Variants in PAFAH1B1 observed in about 807,000 individuals in gnomAD.
PAFAH1B1 encodes the protein platelet-activating factor acetylhydrolase IB subunit beta.
In PAFAH1B1, 2 loss-of-function variants were observed where a neutral mutation model predicts 57.5. The ratio of observed to expected loss-of-function variants is 0.03; its 90% CI spans 0.01 to 0.11. The LOEUF (loss-of-function observed/expected upper bound fraction) is 0.11, where lower values mean the gene tolerates loss of function less well. PAFAH1B1 is among the 10% of genes least tolerant of loss of function. The pLI is 1.00. For synonymous variants in PAFAH1B1, 152 were observed against 169.6 expected (o/e 0.90, Z 0.81); for missense variants, 257 against 512.0 (o/e 0.50, Z 4.81).
At chr17:2,614,247 C>G (rs1284803828) in intron 1 of PAFAH1B1, among the ~76,000 whole-genome samples, 2 of 152,018 alleles carry the variant, frequency 1.3e-5, no homozygotes, top group Non-Finnish European at 2.9e-5. Flanking sequence ...AGGCTGATCT[C>G]AAACTCCTGA....
intron 1 of PAFAH1B1, among the ~76,000 whole-genome samples, chr17:2,635,159 C>CA (rs781397486): frequency 0.01 from 1,001 of 96,914 alleles, 2 homozygotes; most frequent in African/African-American, 0.021. Flanking sequence ...AACTCTGTCT[C>CA]AAAAAAAAAA....
chr17:2,627,038 G>A (rs2068503097), intron 1 of PAFAH1B1, among the ~76,000 whole-genome samples: 1 of 151,946 alleles, frequency 6.6e-6, no homozygotes, highest in Admixed American at 6.6e-5. Context: ...CCCACCCTGT[G>A]GGTTGTCTGT....
chr17:2,640,574 C>G (rs1318504709), intron 2 of PAFAH1B1: 2 of 150,996 alleles, frequency 1.3e-5, no homozygotes, highest in African/African-American at 4.9e-5. Flanking sequence ...GCCTCAGCCT[C>G]TCGAGTAGCT....
Position 2,669,610 on chromosome 17 carries a change from C to A in PAFAH1B1, c.400-553C>A, listed in dbSNP as rs561079394. On this transcript the variant is annotated intron_variant, in intron 5 of 10. Coordinates refer to ENST00000397195, the MANE Select transcript of PAFAH1B1 (RefSeq NM_000430.4). ...CATATGCTCTTGTTCATTTGCTATT[C>A]GTGAACAGTTAACATCTTCTGAAAT... Among the ~76,000 whole-genome samples the A allele has an allele frequency of 2.0e-5, 3 of 152,264 alleles. No homozygotes were observed. In the East Asian group the frequency reaches 5.8e-4, roughly 29 times the overall value.
At chr17:2,645,851 G>A (rs1353706933) in intron 2 of PAFAH1B1, among the ~76,000 whole-genome samples, 1 of 151,418 alleles carries the variant, frequency 6.6e-6, no homozygotes, top group African/African-American at 2.4e-5. Flanking sequence ...TGATCCACCC[G>A]CCTGGACCTC....
chr17:2,676,763 G>A (rs2069274671), intron 9 of PAFAH1B1, among the ~76,000 whole-genome samples, 157 bp downstream of exon 9: 3 of 152,150 alleles, frequency 2.0e-5, no homozygotes, highest in Admixed American at 2.0e-4. Flanking sequence ...TGTTGTTATA[G>A]TGATGTGAAA....
At chr17:2,613,930 C>T (rs1249299374) in intron 1 of PAFAH1B1, 31 of 186,112 alleles carry the variant, frequency 1.7e-4, no homozygotes, top group Non-Finnish European at 2.9e-4. Context: ...CATTCTGGGG[C>T]GACAGCAAGA....
intron 1 of PAFAH1B1, among the ~76,000 whole-genome samples, chr17:2,614,194 A>G (rs893041668): frequency 6.6e-6 from 1 of 151,596 alleles, no homozygotes; most frequent in Admixed American, 6.6e-5. Flanking sequence ...ATTCCTGGCT[A>G]ATTTTTAAAT....
chr17:2,680,391 G>A lies in PAFAH1B1; in HGVS notation c.1159+71G>A, dbSNP rs2069363522. 2.8e-5 allele frequency: 38 copies of A among 1,375,476 alleles called. No individual in the cohort carries two copies. In the Middle Eastern group the frequency reaches 5.3e-4, roughly 19 times the overall value. 85.2% of individuals were successfully genotyped at this position (1,375,476 alleles called of 1,614,324 possible). A position where few individuals can be genotyped will look rare whatever the true frequency, so the allele number is the denominator to read the frequency against. ...CAGACAAACTGTGTTTTACATAATC[G>A]TGTGGACTTTGCCAGGTAAGAAATG... On this transcript the variant is annotated intron_variant, in intron 10 of 10. Coordinates refer to ENST00000397195, the MANE Select transcript of PAFAH1B1 (RefSeq NM_000430.4).
intron 8 of PAFAH1B1, 143 bp downstream of exon 8, chr17:2,674,431 T>C: frequency 1.4e-6 from 1 of 698,422 alleles, no homozygotes; most frequent in Admixed American, 2.1e-5. Context: ...TCTCTACTCT[T>C]CACAGCTTGC....
At chr17:2,665,311 C>G in intron 2 of PAFAH1B1, 61 bp from the exon 3 acceptor site, 1 of 909,434 alleles carries the variant, frequency 1.1e-6, no homozygotes, top group South Asian at 1.3e-5. Context: ...TAAATAAATT[C>G]TATTTCTTCA....
At position 2,600,695 on chromosome 17, in the gene PAFAH1B1, T is replaced by TA. The variant is rs2068132976; in HGVS notation, c.-191+6692dup. On this transcript the variant is annotated intron_variant, in intron 1 of 10. Transcript: ENST00000397195. ...AACTACAAAAGAAAGAAGATGGAGA[T>TA]AAATGAGTCAGATGTTTTGATTATT... Among the ~76,000 whole-genome samples, 6 of 152,168 alleles carry TA rather than the reference T, an allele frequency of 3.9e-5. No individual in the cohort carries two copies. The South Asian group carries it at 1.2e-3, about 32-fold the overall frequency.
At chr17:2,632,428 C>G (rs1269552067) in intron 1 of PAFAH1B1, among the ~76,000 whole-genome samples, 1 of 152,204 alleles carries the variant, frequency 6.6e-6, no homozygotes, top group Non-Finnish European at 1.5e-5. Flanking sequence ...TGTTACTTGT[C>G]TCACTTAATC....
chr17:2,608,022 A>G (rs997709022), intron 1 of PAFAH1B1, among the ~76,000 whole-genome samples: 1 of 151,960 alleles, frequency 6.6e-6, no homozygotes, highest in Admixed American at 6.6e-5. Context: ...TAGATGCATT[A>G]TTGATATATG....
intron 2 of PAFAH1B1, among the ~76,000 whole-genome samples, chr17:2,644,078 A>T (rs1054216950): frequency 2.7e-5 from 4 of 150,666 alleles, no homozygotes; most frequent in Non-Finnish European, 5.9e-5. Context: ...AAGTCTTGCT[A>T]TGTTGCCCAC....
intron 1 of PAFAH1B1, among the ~76,000 whole-genome samples, chr17:2,606,810 CTTTTTTT>C (rs770011553): frequency 1.2e-4 from 12 of 101,708 alleles, no homozygotes; most frequent in South Asian, 6.3e-4. Flanking sequence ...TGCCTCAGAG[CTTTTTTT>C]TTTTTTTTTT....
chr17:2,670,672 C>T (rs530545254), intron 6 of PAFAH1B1, among the ~76,000 whole-genome samples: 11 of 152,186 alleles, frequency 7.2e-5, no homozygotes, highest in East Asian at 1.9e-4. Flanking sequence ...GAGAGTAGGT[C>T]GAGTGAAAAC....
intron 1 of PAFAH1B1, among the ~76,000 whole-genome samples, chr17:2,623,113 G>A (rs993544352): frequency 1.3e-5 from 2 of 152,212 alleles, no homozygotes; most frequent in African/African-American, 4.8e-5. Context: ...CCAGGCCTGT[G>A]ATGGGAGGGG....
In PAFAH1B1 at chr17:2,685,503, T is replaced by A. The variant is rs1349258477; in HGVS notation, c.*3701T>A. ...TGTATATAATATTGCTCTCGTGTTT[T>A]ACAGTAAGATTTGTTGCTCTCAGAC... On this transcript the variant is annotated 3_prime_UTR_variant, in exon 11 of 11. Transcript: ENST00000397195. 1 of 152,670 alleles carries A rather than the reference T, an allele frequency of 6.6e-6. No homozygotes were observed. Among genetic ancestry groups the A allele is most frequent in the Non-Finnish European group, 1.5e-5 (1 of 68,040 alleles). 9.5% of individuals were successfully genotyped at this position (152,670 alleles called of 1,614,324 possible).
Sources: allele counts gnomAD v4.1 joint callset (sites outside exome capture counted in the v4.1 genomes callset), GRCh38; gene constraint gnomAD v4.1.1; transcripts MANE v1.5; gene names NCBI Gene and HGNC (gene_info 2026-07-23, HGNC 2026-07-21).